The following LMF1 variants were observed in gnomAD, a reference collection of about 807,000 sequenced individuals.
The protein encoded by LMF1 is transmembrane protein 112.
Under a neutral mutation model 60.6 loss-of-function variants are expected in LMF1, and 68 were observed. The ratio of observed to expected loss-of-function variants is 1.12; its 90% CI spans 0.92 to 1.37. The LOEUF is 1.37. Among genes scored for constraint, LMF1 ranks in the 40% most tolerant of loss-of-function variants. The pLI, the probability that LMF1 is intolerant of heterozygous loss-of-function variation, is 0.00. For synonymous variants in LMF1, 418 were observed against 324.7 expected, an observed-to-expected ratio of 1.29 and a Z score of -3.09; for missense variants, 948 against 767.2, an observed-to-expected ratio of 1.24 and a Z score of -2.78.
chr16:892,455 C>T (rs533020568), intron 5 of LMF1, among the ~76,000 whole-genome samples: 1 of 152,310 alleles, frequency 6.6e-6, no homozygotes, highest in East Asian at 1.9e-4. Flanking sequence ...GGCCCCAGAC[C>T]ACTCCCAGCC....
intron 1 of LMF1, among the ~76,000 whole-genome samples, chr16:977,659 G>T (rs919883363): frequency 5.3e-5 from 8 of 151,472 alleles, no homozygotes; most frequent in African/African-American, 2.0e-4. Context: ...CCTGCCGCAG[G>T]AGGAGGGCCG....
At position 897,643 on chromosome 16, in the gene LMF1, T is replaced by C. The variant is rs2070701852; in HGVS notation, c.664-4571A>G. Among the ~76,000 whole-genome samples, 1 of 152,112 alleles carries C rather than the reference T, an allele frequency of 6.6e-6. No homozygotes were observed. Among genetic ancestry groups the C allele is most frequent in the African/African-American group, 2.4e-5 (1 of 41,412 alleles). Reference sequence around the variant, plus strand: ...CAGACTTGTTGCAACAGCCACTGCTTCTCCCCGAGTGCTCTGAGAGCTGGG... The same window carrying C: ...CAGACTTGTTGCAACAGCCACTGCTCCTCCCCGAGTGCTCTGAGAGCTGGG... On this transcript the variant is annotated intron_variant, in intron 4 of 10. Transcript: ENST00000262301. This position sits in a 1 kb window ranked among gnomAD's most constrained non-coding sequence, Gnocchi z 4.3.
At chr16:867,452 G>A (rs997703290) in intron 10 of LMF1, among the ~76,000 whole-genome samples, 2 of 152,314 alleles carry the variant, frequency 1.3e-5, no homozygotes, top group East Asian at 3.9e-4. Context: ...GATCTGGGGT[G>A]GGGGCTGGGG....
Position 962,968 on chromosome 16 carries a change from C to T in LMF1, c.193+7820G>A, listed in dbSNP as rs1340200918. On this transcript the variant is annotated intron_variant, in intron 1 of 10. Coordinates refer to ENST00000262301, the MANE Select transcript of LMF1 (RefSeq NM_022773.4). The surrounding 1 kb of genome is among the most constrained non-coding windows in gnomAD (Gnocchi z 4.5). ...GCAGGGCCCTGGGCGACGAAAGGGT[C>T]AGGGCTGGTGACCTCTAAAGGGGCT... 6.6e-6 allele frequency among the ~76,000 whole-genome samples: 1 copy of T among 152,138 alleles called. No individual in the cohort carries two copies. Among genetic ancestry groups the T allele is most frequent in the Non-Finnish European group, 1.5e-5 (1 of 68,028 alleles).
Position 924,533 on chromosome 16 carries a change from C to A in LMF1, c.514+9711G>T, listed in dbSNP as rs1206528247. Among the ~76,000 whole-genome samples, 3 of 152,326 alleles carry A rather than the reference C, an allele frequency of 2.0e-5. No homozygotes were observed. In the East Asian group the frequency reaches 5.8e-4, roughly 29 times the overall value. The stretch of plus-strand genomic sequence containing the variant: ...AGCATGTGGCATTTTCGAAGCATTT[C>A]TCCAGGCTGTCCTTGGTCTAGAGGC... On this transcript the variant is annotated intron_variant, in intron 3 of 10. Transcript: ENST00000262301.
rs373153786 is a variant in LMF1, at chr16:955,156, T to C, written c.194-490A>G. On this transcript the variant is annotated intron_variant, in intron 1 of 10. Transcript: ENST00000262301. Reference sequence around the variant, plus strand: ...AGACAAGTTACATAAAATGCGTGCCTGCAGCAGACGCAGTGTGTGCATACA... The same window carrying C: ...AGACAAGTTACATAAAATGCGTGCCCGCAGCAGACGCAGTGTGTGCATACA... Among the ~76,000 whole-genome samples the C allele has an allele frequency of 8.7e-3, 419 of 48,332 alleles. 33 individuals carry two copies. Among genetic ancestry groups the C allele is most frequent in the African/African-American group, 0.043 (184 of 4,322 alleles). The allele number at this position is 48,332 out of a possible 152,430, so 31.7% of individuals were successfully genotyped here.
chr16:967,493 A>G (rs1454177781), intron 1 of LMF1, among the ~76,000 whole-genome samples: 3 of 152,078 alleles, frequency 2.0e-5, no homozygotes, highest in Admixed American at 6.5e-5. Context: ...AGGCACCGGC[A>G]CCCATGGGCG....
chr16:948,032 C>CAGAGTCAGAGACAAT (rs1567294683), intron 2 of LMF1, among the ~76,000 whole-genome samples: 2 of 113,984 alleles, frequency 1.8e-5, no homozygotes, highest in Non-Finnish European at 1.9e-5. Context: ...TCAGAGACAA[C>CAGAGTCAGAGACAAT]GACAGAGTCA....
chr16:886,427 G>C (rs1015197390), intron 5 of LMF1, among the ~76,000 whole-genome samples: 2 of 151,850 alleles, frequency 1.3e-5, no homozygotes, highest in African/African-American at 4.9e-5. Flanking sequence ...TCGCCCAGTG[G>C]GCTGCTCTGC....
Position 874,386 on chromosome 16 carries a change from G to C in LMF1, c.898-3045C>G, listed in dbSNP as rs2069907255. On this transcript the variant is annotated intron_variant, in intron 6 of 10. Transcript: ENST00000262301. The surrounding 1 kb of genome is among the most constrained non-coding windows in gnomAD (Gnocchi z 4.1). ...GGGTGGGGCCGGACAGCCCGCTGTG[G>C]GCAGGCGCCTCAGAGGTTCCAGACC... Among the ~76,000 whole-genome samples the C allele has an allele frequency of 6.6e-6, 1 of 152,160 alleles. No homozygotes were observed. Among genetic ancestry groups the C allele is most frequent in the South Asian group, 2.1e-4 (1 of 4,834 alleles).
intron 1 of LMF1, among the ~76,000 whole-genome samples, chr16:957,543 C>T (rs2072732513): frequency 6.6e-6 from 1 of 152,096 alleles, no homozygotes; most frequent in African/African-American, 2.4e-5. Flanking sequence ...CAATCTGAAC[C>T]AAACACCCAG....
rs78045484 is a variant in LMF1, at chr16:864,130, T to C, written c.1529+4814A>G. On this transcript the variant is annotated intron_variant, in intron 10 of 10. Transcript: ENST00000262301. ...ACATGTTTTGCAGATCTGTGCTTAG[T>C]GCACACACTTAGGATTGCTACATCT... Among the ~76,000 whole-genome samples the C allele has an allele frequency of 7.1e-3, 1,078 of 152,382 alleles. 6 individuals carry two copies. The highest frequency in any genetic ancestry group is 0.025 in the African/African-American group (1,024 of 41,590).
At chr16:919,488 T>G (rs1204656844) in intron 3 of LMF1, among the ~76,000 whole-genome samples, 2 of 73,570 alleles carry the variant, frequency 2.7e-5, no homozygotes, top group Non-Finnish European at 4.8e-5. Flanking sequence ...AGGACAGCAG[T>G]GCCGGCAGCA....
In LMF1 at chr16:863,902, T is replaced by C. The variant is rs538553244; in HGVS notation, c.1529+5042A>G. 3.9e-5 allele frequency among the ~76,000 whole-genome samples: 6 copies of C among 152,358 alleles called. No homozygotes were observed. In the South Asian group the frequency reaches 1.0e-3, roughly 26 times the overall value. Reference sequence around the variant, plus strand: ...CTCTCTCATCACTAGTTTAACTACATCCCAGAAAATGTGACATGTCATTCA... The same window carrying C: ...CTCTCTCATCACTAGTTTAACTACACCCCAGAAAATGTGACATGTCATTCA... On this transcript the variant is annotated intron_variant, in intron 10 of 10. Coordinates refer to ENST00000262301, the MANE Select transcript of LMF1 (RefSeq NM_022773.4).
chr16:876,424 G>A lies in LMF1; in HGVS notation c.897+3146C>T, dbSNP rs543133196. 7.2e-5 allele frequency among the ~76,000 whole-genome samples: 11 copies of A among 152,282 alleles called. 1 individual carries two copies. Among genetic ancestry groups the A allele is most frequent in the African/African-American group, 2.4e-4 (10 of 41,530 alleles). ...GTCCGTTTGTCGGAGCTCACAGAATGAGCAACACTGCGAATGGCTCTCCTG... is the reference window on the plus strand; with the variant it reads ...GTCCGTTTGTCGGAGCTCACAGAATAAGCAACACTGCGAATGGCTCTCCTG... On this transcript the variant is annotated intron_variant, in intron 6 of 10. Transcript: ENST00000262301.
At chr16:893,447 C>T in intron 4 of LMF1, 1 of 457,086 alleles carries the variant, frequency 2.2e-6, no homozygotes, top group Non-Finnish European at 4.4e-6. Context: ...AGGGAAGCTT[C>T]TCAGTGCCTC....
chr16:906,469 G>T (rs542590928), intron 4 of LMF1, among the ~76,000 whole-genome samples: 12 of 152,236 alleles, frequency 7.9e-5, no homozygotes, highest in Admixed American at 1.3e-4. Context: ...CTCCCAGCCC[G>T]CATCTTTCTT....
chr16:981,422 G>A (rs1471391051), upstream of LMF1: 3 of 297,890 alleles, frequency 1.0e-5, no homozygotes, highest in Non-Finnish European at 2.2e-5. Context: ...CCGCTTCCTA[G>A]CTGAGCGTCA....
At chr16:977,601 C>G (rs1420887780) in intron 1 of LMF1, among the ~76,000 whole-genome samples, 1 of 152,138 alleles carries the variant, frequency 6.6e-6, no homozygotes, top group Non-Finnish European at 1.5e-5. Context: ...GGTTCACGCC[C>G]GCCGGGCCCT....
Sources: gnomAD v4.1 joint callset for allele counts (sites outside exome capture counted in the v4.1 genomes callset) on GRCh38, gnomAD v4.1.1 for gene constraint, Gnocchi (gnomAD v3.1) non-coding constraint, MANE v1.5 for transcripts, NCBI Gene and HGNC (gene_info 2026-07-23, HGNC 2026-07-21) for gene names.